Variants in PCLO observed in about 807,000 individuals in gnomAD.
PCLO encodes the protein piccolo presynaptic cytomatrix protein.
PCLO carries 82 observed loss-of-function variants against 427.5 expected under a neutral mutation model. The ratio of observed to expected loss-of-function variants is 0.19; its 90% confidence interval spans 0.16 to 0.23. The LOEUF is 0.23. PCLO is among the 10% of genes least tolerant of loss of function. PCLO has a pLI of 1.00. For missense variants in PCLO, 6,239 were observed against 6,115.9 expected, an observed-to-expected ratio of 1.02 and a Z score of -0.67; for synonymous variants, 2,357 against 2,155.4, an observed-to-expected ratio of 1.09 and a Z score of -2.59.
chr7:82,927,610 G>A (rs897353982), intron 6 of PCLO, among the ~76,000 whole-genome samples: 1 of 152,036 alleles, frequency 6.6e-6, no homozygotes, highest in Non-Finnish European at 1.5e-5. Flanking sequence ...TTCAAGGATC[G>A]GGTGAAAGCT....
At chr7:82,897,783 TA>T (rs1357840875) in intron 9 of PCLO, among the ~76,000 whole-genome samples, 1 of 151,426 alleles carries the variant, frequency 6.6e-6, no homozygotes, top group Non-Finnish European at 1.5e-5. Flanking sequence ...ATTTTTTTAA[TA>T]AGTAGAAAAA....
chr7:83,006,058 G>A (rs1034600131), intron 3 of PCLO, among the ~76,000 whole-genome samples: 6 of 151,606 alleles, frequency 4.0e-5, no homozygotes, highest in East Asian at 1.9e-4. Context: ...TTAACTGTAC[G>A]CAATGCATTT....
At chr7:82,899,658 A>G (rs1167313987) in intron 9 of PCLO, among the ~76,000 whole-genome samples, 2 of 151,588 alleles carry the variant, frequency 1.3e-5, no homozygotes, top group Non-Finnish European at 3.0e-5. Flanking sequence ...TGTCCAAAAA[A>G]ATAACATTTT....
intron 22 of PCLO, among the ~76,000 whole-genome samples, chr7:82,790,947 A>G (rs1478570497): frequency 6.6e-6 from 1 of 152,208 alleles, no homozygotes; most frequent in Non-Finnish European, 1.5e-5. Flanking sequence ...TTTTGTGTAA[A>G]CATTTATTTC....
rs2129468691 is a variant in PCLO, at chr7:82,801,705, T to A, written c.14934-114A>T. On this transcript the variant is annotated intron_variant, in intron 21 of 24. Coordinates refer to ENST00000333891, the MANE Select transcript of PCLO (RefSeq NM_033026.6). Reference sequence around the variant, plus strand: ...TAGTAATGGCAAAACCTGCAATTACTTTTGCACAACCGAATATTTTTGGAC... The same window carrying A: ...TAGTAATGGCAAAACCTGCAATTACATTTGCACAACCGAATATTTTTGGAC... The A allele has an allele frequency of 7.8e-6, 5 of 641,766 alleles. No individual in the cohort carries two copies. In the East Asian group the frequency reaches 1.4e-4, roughly 18 times the overall value. 39.8% of individuals were successfully genotyped at this position (641,766 alleles called of 1,614,324 possible).
chr7:83,008,699 A>G (rs952892462), intron 3 of PCLO, among the ~76,000 whole-genome samples: 1 of 151,750 alleles, frequency 6.6e-6, no homozygotes, highest in South Asian at 2.1e-4. Flanking sequence ...CTAAAAATGT[A>G]TAATAGGTTG....
At chr7:83,096,636 T>G (rs1488601783) in intron 3 of PCLO, among the ~76,000 whole-genome samples, 1 of 148,986 alleles carries the variant, frequency 6.7e-6, no homozygotes, top group African/African-American at 2.5e-5. Context: ...GCATGTCGAA[T>G]TTTGTCTTAT....
intron 2 of PCLO, among the ~76,000 whole-genome samples, chr7:83,144,870 T>C (rs1791954121): frequency 6.6e-6 from 1 of 152,198 alleles, no homozygotes; most frequent in African/African-American, 2.4e-5. Flanking sequence ...TTAAGTTACG[T>C]TGCATAAGTA....
chr7:83,070,016 T>C (rs1190412781), intron 3 of PCLO, among the ~76,000 whole-genome samples: 3 of 152,072 alleles, frequency 2.0e-5, no homozygotes, highest in East Asian at 1.9e-4. Context: ...CTTCTAAGAA[T>C]TGGTTATAGA....
chr7:83,027,455 C>T (rs1174881920), intron 3 of PCLO, among the ~76,000 whole-genome samples: 4 of 151,842 alleles, frequency 2.6e-5, no homozygotes, highest in African/African-American at 9.7e-5. Flanking sequence ...GAAATTGTGG[C>T]AATAATCAAT....
At chr7:82,831,061 T>A (rs564787026) in intron 16 of PCLO, among the ~76,000 whole-genome samples, 1 of 152,228 alleles carries the variant, frequency 6.6e-6, no homozygotes, top group East Asian at 1.9e-4. Context: ...ATTAAAATCA[T>A]AACTAACATT....
rs117080087 is a variant in PCLO at position 83,121,897 on chromosome 7, A to G, written c.3300+12353T>C. Among the ~76,000 whole-genome samples, 92 of 152,288 alleles carry G rather than the reference A, an allele frequency of 6.0e-4. 3 individuals carry two copies. In the East Asian group the frequency reaches 0.017, roughly 27 times the overall value. On this transcript the variant is annotated intron_variant, in intron 3 of 24. Coordinates refer to ENST00000333891, the MANE Select transcript of PCLO (RefSeq NM_033026.6). ...TAATATCTCTGATAAACATTTATGCAAAAATCCCCAACAAAATACTAGTAA... is the reference window on the plus strand; with the variant it reads ...TAATATCTCTGATAAACATTTATGCGAAAATCCCCAACAAAATACTAGTAA...
rs182558879 is a variant in PCLO, at chr7:82,891,954, A to T, written c.13528+10697T>A. ...AAATGGAAGAACATTCCATGATTCC[A>T]TGCTCATGGGTAGGAAGAATCAATA... On this transcript the variant is annotated intron_variant, in intron 9 of 24. Transcript: ENST00000333891. Among the ~76,000 whole-genome samples the T allele has an allele frequency of 2.6e-5, 4 of 152,246 alleles. No homozygotes were observed. In the East Asian group the frequency reaches 7.7e-4, roughly 29 times the overall value.
chr7:83,106,260 G>A (rs1790852744), intron 3 of PCLO, among the ~76,000 whole-genome samples: 1 of 152,226 alleles, frequency 6.6e-6, no homozygotes, highest in South Asian at 2.1e-4. Context: ...AGAAGGAGCA[G>A]CTGCCCTTCT....
At chr7:83,111,669 A>G (rs1791004860) in intron 3 of PCLO, among the ~76,000 whole-genome samples, 1 of 152,210 alleles carries the variant, frequency 6.6e-6, no homozygotes, top group Non-Finnish European at 1.5e-5. Context: ...CTAGACCTCG[A>G]GTGCAGTCTT....
At chr7:82,835,801 C>T in intron 15 of PCLO, 108 bp from the exon 16 acceptor site, 1 of 797,702 alleles carries the variant, frequency 1.3e-6, no homozygotes, top group Non-Finnish European at 2.1e-6. Context: ...AAAATAATAA[C>T]TAGAGGAGCT....
chr7:82,831,125 A>T (rs1792082874), intron 16 of PCLO, among the ~76,000 whole-genome samples: 1 of 152,090 alleles, frequency 6.6e-6, no homozygotes, highest in South Asian at 2.1e-4. Context: ...TTCATGTGTT[A>T]ACTCATGTAA....
chr7:83,062,866 T>C (rs1158307193), intron 3 of PCLO, among the ~76,000 whole-genome samples: 3 of 152,142 alleles, frequency 2.0e-5, no homozygotes, highest in Non-Finnish European at 4.4e-5. Context: ...TTAAGAACTA[T>C]GTACCATAAT....
At chr7:83,071,432 T>C (rs570839428) in intron 3 of PCLO, among the ~76,000 whole-genome samples, 18 of 152,318 alleles carry the variant, frequency 1.2e-4, no homozygotes, top group African/African-American at 4.3e-4. Flanking sequence ...TCATTGCACT[T>C]GAAATCATCT....
Sources: gnomAD v4.1 joint callset for allele counts (sites outside exome capture counted in the v4.1 genomes callset) on GRCh38, gnomAD v4.1.1 for gene constraint, MANE v1.5 for transcripts, NCBI Gene and HGNC (gene_info 2026-07-23, HGNC 2026-07-21) for gene names.